The following BLNK variants were observed in gnomAD, a reference collection of about 807,000 sequenced individuals.
BLNK encodes the protein B cell linker.
BLNK carries 29 observed loss-of-function variants against 73.5 expected under a neutral mutation model. The ratio of observed to expected loss-of-function variants is 0.39; its 90% CI spans 0.29 to 0.54. BLNK has a LOEUF of 0.54. Among genes scored for constraint, BLNK ranks in the 20% least tolerant of loss-of-function variants. The probability of loss-of-function intolerance (pLI) is 0.61; values close to 1 mark genes in which losing one functional copy is unlikely to be tolerated. For synonymous variants in BLNK, 176 were observed against 200.8 expected, an observed-to-expected ratio of 0.88 and a Z score of 1.04; for missense variants, 460 against 562.8, an observed-to-expected ratio of 0.82 and a Z score of 1.85.
At chr10:96,221,103 C>CCTTGGGAATATATTTGGTAAGAAA (rs1424915897) in intron 6 of BLNK, among the ~76,000 whole-genome samples, 1 of 152,206 alleles carries the variant, frequency 6.6e-6, no homozygotes, top group Non-Finnish European at 1.5e-5. Flanking sequence ...CCCTCTGTGA[C>CCTTGGGAATATATTTGGTAAGAAA]CTTGGGTAAG....
intron 8 of BLNK, among the ~76,000 whole-genome samples, chr10:96,214,152 G>A (rs1554899277): frequency 6.6e-6 from 1 of 152,212 alleles, no homozygotes. Context: ...GTGTGTGTGT[G>A]TGCACACGCG....
At chr10:96,230,669 G>A in intron 4 of BLNK, 125 bp downstream of exon 4, 1 of 1,136,662 alleles carries the variant, frequency 8.8e-7, no homozygotes, top group Non-Finnish European at 1.3e-6. Context: ...GCCTGTAGGT[G>A]ACCTTTCCAA....
chr10:96,263,883 C>G (rs1425808857), intron 1 of BLNK, among the ~76,000 whole-genome samples: 1 of 152,196 alleles, frequency 6.6e-6, no homozygotes, highest in African/African-American at 2.4e-5. Context: ...AAAGCTGCTT[C>G]CCTACAGCTG....
chr10:96,239,311 A>T (rs587765457), intron 3 of BLNK: 31 of 396,108 alleles, frequency 7.8e-5, no homozygotes, highest in African/African-American at 4.7e-4. Flanking sequence ...CAGAATAATT[A>T]GTATTAGAGG....
At chr10:96,248,366 A>G (rs1180873154) in intron 1 of BLNK, among the ~76,000 whole-genome samples, 2 of 152,240 alleles carry the variant, frequency 1.3e-5, no homozygotes, top group African/African-American at 2.4e-5. Flanking sequence ...CAGAAAACAA[A>G]TACAAGTGGT....
At chr10:96,247,184 G>T (rs780533605) in intron 1 of BLNK, 135 bp from the exon 2 acceptor site, 19 of 607,712 alleles carry the variant, frequency 3.1e-5, no homozygotes, top group Non-Finnish European at 4.9e-5. Flanking sequence ...GAATTATATT[G>T]TATTTAATTA....
chr10:96,229,498 TC>T (rs1259900211), intron 4 of BLNK, among the ~76,000 whole-genome samples: 3 of 152,190 alleles, frequency 2.0e-5, no homozygotes, highest in African/African-American at 7.2e-5. Flanking sequence ...ATTTTGGTTG[TC>T]TGATTTTGGG....
chr10:96,228,915 T>C (rs1436627599), intron 4 of BLNK, among the ~76,000 whole-genome samples: 1 of 151,890 alleles, frequency 6.6e-6, no homozygotes, highest in African/African-American at 2.4e-5. Flanking sequence ...TATAGCAGGA[T>C]TTTTTTTCCT....
At position 96,229,700 on chromosome 10, in the gene BLNK, G is replaced by A. The variant is rs190429758; in HGVS notation, c.204+1094C>T. On this transcript the variant is annotated intron_variant, in intron 4 of 16. Transcript: ENST00000224337. Reference sequence around the variant, plus strand: ...TGTGTGTGTGTGTTCGTGTGTGCACGCGCGTGCGCAGCCAGCAGGGGGCGC... The same window carrying A: ...TGTGTGTGTGTGTTCGTGTGTGCACACGCGTGCGCAGCCAGCAGGGGGCGC... 3.1e-3 allele frequency among the ~76,000 whole-genome samples: 466 copies of A among 150,386 alleles called. 4 individuals carry two copies. Among genetic ancestry groups the A allele is most frequent in the African/African-American group, 8.0e-3 (324 of 40,510 alleles).
At chr10:96,211,108 C>T (rs1281571055) in intron 8 of BLNK, among the ~76,000 whole-genome samples, 22 of 152,126 alleles carry the variant, frequency 1.4e-4, no homozygotes, top group African/African-American at 5.3e-4. Context: ...AATCCATCCA[C>T]CTGCCTTGGT....
rs3748228 is a variant in BLNK, at chr10:96,190,511, A to G, written c.*1462T>C. Among the ~76,000 whole-genome samples, 96 of 152,348 alleles carry G rather than the reference A, an allele frequency of 6.3e-4. No homozygotes were observed. The East Asian group carries it at 0.018, about 29-fold the overall frequency. On this transcript the variant is annotated 3_prime_UTR_variant, in exon 17 of 17. Coordinates refer to ENST00000224337, the MANE Select transcript of BLNK (RefSeq NM_013314.4). ...TGTGGCCTTATGGATTAGGACTTCA[A>G]CATATCTTTTTGAGGGGACCACAGT...
chr10:96,248,351 G>A (rs1009703176), intron 1 of BLNK, among the ~76,000 whole-genome samples: 2 of 152,132 alleles, frequency 1.3e-5, no homozygotes, highest in Admixed American at 1.3e-4. Context: ...TGAACACACA[G>A]CTAACAGAAA....
intron 4 of BLNK, 73 bp from the exon 5 acceptor site, chr10:96,227,639 C>T: frequency 1.9e-6 from 3 of 1,605,394 alleles, no homozygotes; most frequent in South Asian, 1.1e-5. Context: ...CCATTCCTGC[C>T]TTGGGAGGCC....
chr10:96,235,305 A>G (rs1189200935), intron 3 of BLNK, among the ~76,000 whole-genome samples: 1 of 152,214 alleles, frequency 6.6e-6, no homozygotes, highest in Non-Finnish European at 1.5e-5. Flanking sequence ...TAAAGGGCTC[A>G]ATGAATGTTA....
chr10:96,264,710 G>A (rs1843914950), intron 1 of BLNK, among the ~76,000 whole-genome samples: 1 of 152,120 alleles, frequency 6.6e-6, no homozygotes, highest in African/African-American at 2.4e-5. Context: ...ACTGGCCACA[G>A]GGAGACCAGA....
intron 13 of BLNK, among the ~76,000 whole-genome samples, chr10:96,202,195 A>G (rs587711145): frequency 5.8e-4 from 89 of 152,296 alleles, no homozygotes; most frequent in African/African-American, 2.0e-3. Context: ...ATGACTCAAG[A>G]GCTGTAATGA....
intron 8 of BLNK, among the ~76,000 whole-genome samples, chr10:96,211,498 C>T (rs1332643668): frequency 6.6e-6 from 1 of 152,162 alleles, no homozygotes; most frequent in Non-Finnish European, 1.5e-5. Flanking sequence ...TCAGGAAGTT[C>T]CTTCCCATGT....
chr10:96,207,159 T>C, intron 10 of BLNK, 106 bp from the exon 11 acceptor site: 4 of 991,562 alleles, frequency 4.0e-6, no homozygotes, highest in Non-Finnish European at 6.4e-6. Flanking sequence ...TTTTCTTTGA[T>C]GCATTGCTAT....
intron 6 of BLNK, 132 bp downstream of exon 6, chr10:96,223,694 A>G (rs1470763347): frequency 2.7e-6 from 3 of 1,091,014 alleles, no homozygotes; most frequent in East Asian, 2.4e-5. Flanking sequence ...CTTTGGTATA[A>G]TAGTGGAGAG....
Sources: allele counts gnomAD v4.1 joint callset (sites outside exome capture counted in the v4.1 genomes callset), GRCh38; gene constraint gnomAD v4.1.1; transcripts MANE v1.5; gene names NCBI Gene and HGNC (gene_info 2026-07-23, HGNC 2026-07-21).